PREX2: variants seen among roughly 807,000 people sequenced by gnomAD.
The protein encoded by PREX2 is phosphatidylinositol 3,4,5-trisphosphate-dependent Rac exchanger 2 protein.
Under a neutral mutation model 203.2 loss-of-function variants are expected in PREX2, and 107 were observed. The observed-to-expected ratio is 0.53, with a 90% confidence interval of 0.45 to 0.62. The LOEUF is 0.62. PREX2 is among the 20% of genes least tolerant of loss of function. The probability of loss-of-function intolerance (pLI) is 0.00; values close to 1 mark genes in which losing one functional copy is unlikely to be tolerated. For missense variants in PREX2, 1,777 were observed against 1,955.9 expected, an observed-to-expected ratio of 0.91 and a Z score of 1.72; for synonymous variants, 672 against 663.6, an observed-to-expected ratio of 1.01 and a Z score of -0.19.
At chr8:68,209,401 G>C (rs1229897647) in intron 37 of PREX2, among the ~76,000 whole-genome samples, 1 of 152,092 alleles carries the variant, frequency 6.6e-6, no homozygotes. Context: ...TAGGGGAAAT[G>C]ATTTTATGTT....
chr8:68,023,571 G>A lies in PREX2; in HGVS notation c.441+1431G>A, dbSNP rs562107359. 6.6e-5 allele frequency among the ~76,000 whole-genome samples: 10 copies of A among 152,052 alleles called. No homozygotes were observed. In the East Asian group the frequency reaches 1.5e-3, roughly 24 times the overall value. ...TATTTCCTCTCAGTGTTGTTTGTCT[G>A]TTCATTTTTAAAGTATCATCTTTTA... is the stretch of plus-strand genomic sequence containing the variant. On this transcript the variant is annotated intron_variant, in intron 4 of 39. Transcript: ENST00000288368.
intron 19 of PREX2, among the ~76,000 whole-genome samples, chr8:68,088,889 C>A (rs1231206294): frequency 6.6e-6 from 1 of 152,192 alleles, no homozygotes; most frequent in Admixed American, 6.5e-5. Flanking sequence ...ATTACAATGT[C>A]ATTTAAAGAG....
intron 5 of PREX2, 150 bp downstream of exon 5, chr8:68,027,473 T>G: frequency 1.7e-6 from 1 of 600,982 alleles, no homozygotes; most frequent in Non-Finnish European, 2.9e-6. Flanking sequence ...TGTCACAAAT[T>G]TATATATAGT....
intron 37 of PREX2, among the ~76,000 whole-genome samples, chr8:68,203,514 G>T (rs1467896485): frequency 6.6e-6 from 1 of 152,086 alleles, no homozygotes; most frequent in Non-Finnish European, 1.5e-5. Context: ...TGGCAGAGAA[G>T]GCTTTACAGA....
At chr8:67,997,990 C>T (rs541164623) in intron 1 of PREX2, among the ~76,000 whole-genome samples, 98 of 152,238 alleles carry the variant, frequency 6.4e-4, no homozygotes, top group Non-Finnish European at 1.2e-3. Flanking sequence ...CATTTGTTCA[C>T]CACTAGCTTC....
chr8:68,044,587 AC>A lies in PREX2; in HGVS notation c.942del (p.Ala315LeufsTer43). ...GGAAGTGGAGAATGTGGATGATGGC[AC>A]CGGTAAGTGATTTGTAGATTTTAAA... is the stretch of plus-strand genomic sequence containing the variant. ...VMEVENVDDG[T>X]ADFHSSGHIV... On this transcript the variant is annotated frameshift_variant and splice_region_variant, in exon 8 of 40. Transcript: ENST00000288368. LOFTEE classifies it high-confidence loss of function. 1 of 1,608,522 alleles carries A rather than the reference AC, an allele frequency of 6.2e-7. No homozygotes were observed.
At chr8:68,021,408 A>G (rs1306738759) in intron 3 of PREX2, among the ~76,000 whole-genome samples, 1 of 152,056 alleles carries the variant, frequency 6.6e-6, no homozygotes, top group Non-Finnish European at 1.5e-5. Flanking sequence ...CTCTGAAACA[A>G]CCTCTCAGAT....
At chr8:68,000,279 T>G (rs1483952122) in intron 1 of PREX2, among the ~76,000 whole-genome samples, 1 of 152,162 alleles carries the variant, frequency 6.6e-6, no homozygotes, top group African/African-American at 2.4e-5. Flanking sequence ...GTGCAAAAAT[T>G]GTTAACATGC....
intron 16 of PREX2, 21 bp downstream of exon 16, chr8:68,080,606 T>C: frequency 1.3e-6 from 2 of 1,568,320 alleles, no homozygotes; most frequent in Non-Finnish European, 1.7e-6. Flanking sequence ...TGATATGTTA[T>C]ATAAGTTTTC....
intron 1 of PREX2, among the ~76,000 whole-genome samples, chr8:67,965,529 G>A (rs1585659372): frequency 6.8e-6 from 1 of 146,824 alleles, no homozygotes; most frequent in African/African-American, 2.5e-5. Context: ...ATATATATAT[G>A]TGTATATGTA....
In PREX2 at chr8:68,236,481, G is replaced by A. The variant is rs1813267107; in HGVS notation, c.*5103G>A. The A allele has an allele frequency of 6.6e-6, 1 of 152,088 alleles. No homozygotes were observed. Among genetic ancestry groups the A allele is most frequent in the Admixed American group, 6.6e-5 (1 of 15,254 alleles). 9.4% of individuals were successfully genotyped at this position (152,088 alleles called of 1,614,324 possible). On this transcript the variant is annotated 3_prime_UTR_variant, in exon 40 of 40. Transcript: ENST00000288368. ...ATCATCTGTGTCTTTTGCTTAAAAT[G>A]GCATTATTTGTAACACAAACCTAAT...
intron 8 of PREX2, among the ~76,000 whole-genome samples, chr8:68,046,038 C>G (rs2129610934): frequency 6.6e-6 from 1 of 152,134 alleles, no homozygotes; most frequent in East Asian, 1.9e-4. Context: ...AAAAGAAGAA[C>G]ACTAAAAACT....
rs193131186 is a variant in PREX2 at position 68,224,254 on chromosome 8, T to C, written c.4708-305T>C. ...CTGGTCTTGAACTCCCAGGCTTTAGTAACCCTTCCACGTTGGCCCCTCAAA... is the reference window on the plus strand; with the variant it reads ...CTGGTCTTGAACTCCCAGGCTTTAGCAACCCTTCCACGTTGGCCCCTCAAA... On this transcript the variant is annotated intron_variant, in intron 38 of 39. Transcript: ENST00000288368. Among the ~76,000 whole-genome samples the C allele has an allele frequency of 2.1e-3, 326 of 152,248 alleles. 2 individuals carry two copies. The highest frequency in any genetic ancestry group is 7.6e-3 in the African/African-American group (316 of 41,560).
chr8:67,997,351 C>T (rs1166731452), intron 1 of PREX2, among the ~76,000 whole-genome samples: 2 of 151,964 alleles, frequency 1.3e-5, no homozygotes, highest in Non-Finnish European at 2.9e-5. Context: ...ATGCTGTTTC[C>T]CCCTGTCCCT....
chr8:68,200,670 AAAATGT>A (rs1380392635), intron 37 of PREX2, among the ~76,000 whole-genome samples: 1 of 151,850 alleles, frequency 6.6e-6, no homozygotes, highest in Non-Finnish European at 1.5e-5. Flanking sequence ...ATTTTATTTT[AAAATGT>A]ACATAATTTT....
chr8:68,074,762 T>A (rs16934154), intron 14 of PREX2, among the ~76,000 whole-genome samples: 1 of 151,944 alleles, frequency 6.6e-6, no homozygotes, highest in African/African-American at 2.4e-5. Context: ...CAGTATGGAC[T>A]GAGACACTGA....
chr8:68,000,499 T>C (rs936068833), intron 1 of PREX2, among the ~76,000 whole-genome samples: 3 of 152,198 alleles, frequency 2.0e-5, no homozygotes, highest in African/African-American at 4.8e-5. Context: ...GAAGAATCCA[T>C]ATCATTTAAA....
At chr8:68,207,567 G>A (rs530700228) in intron 37 of PREX2, among the ~76,000 whole-genome samples, 3 of 152,202 alleles carry the variant, frequency 2.0e-5, no homozygotes, top group South Asian at 4.1e-4. Flanking sequence ...GTACAGCCTG[G>A]TGGTGGTGGT....
At chr8:68,025,314 A>G (rs1807687229) in intron 4 of PREX2, among the ~76,000 whole-genome samples, 1 of 151,914 alleles carries the variant, frequency 6.6e-6, no homozygotes, top group African/African-American at 2.4e-5. Context: ...AGCGCTTTGA[A>G]TATGTCATTC....
Sources: allele counts gnomAD v4.1 joint callset (sites outside exome capture counted in the v4.1 genomes callset), GRCh38; gene constraint gnomAD v4.1.1; transcripts MANE v1.5; gene names NCBI Gene and HGNC (gene_info 2026-07-23, HGNC 2026-07-21).